Variants in DCT observed in about 807,000 individuals in gnomAD.
DCT encodes L-dopachrome tautomerase.
Under a neutral mutation model 53.0 loss-of-function variants are expected in DCT, and 47 were observed. The ratio of observed to expected loss-of-function variants is 0.89; its 90% CI spans 0.70 to 1.13. DCT has a LOEUF of 1.13. DCT is among the 50% of genes most tolerant of loss of function. The pLI is 0.00. For missense variants in DCT, 669 were observed against 637.4 expected (o/e 1.05, Z -0.53); for synonymous variants, 244 against 237.0 (o/e 1.03, Z -0.27).
chr13:94,546,621 A>G, the DCT span, among the ~76,000 whole-genome samples: 1 of 151,946 alleles, frequency 6.6e-6, no homozygotes, highest in Non-Finnish European at 1.5e-5. This position sits in a 1 kb window ranked among gnomAD's most constrained non-coding sequence, Gnocchi z 4.2. Flanking sequence ...CCTCCCCACC[A>G]AGGAATGTCA....
At chr13:94,528,419 C>G in the DCT span, among the ~76,000 whole-genome samples, 1 of 152,210 alleles carries the variant, frequency 6.6e-6, no homozygotes, top group South Asian at 2.1e-4. Context: ...AAAGGGAAGC[C>G]CATCAGACTA....
chr13:94,482,633 A>G (rs1885495509), upstream of DCT, among the ~76,000 whole-genome samples: 1 of 152,250 alleles, frequency 6.6e-6, no homozygotes, highest in Non-Finnish European at 1.5e-5. Flanking sequence ...CATGTGCAAC[A>G]GTATTTGGCA....
the DCT span, among the ~76,000 whole-genome samples, chr13:94,510,266 G>A: frequency 2.0e-5 from 3 of 152,108 alleles, no homozygotes; most frequent in African/African-American, 4.8e-5. Context: ...TGATATAATT[G>A]GACTAGGGTG....
chr13:94,441,156 G>A (rs932726252), intron 7 of DCT, among the ~76,000 whole-genome samples: 28 of 152,192 alleles, frequency 1.8e-4, no homozygotes, highest in Non-Finnish European at 7.3e-5. Context: ...GTCCTGACCT[G>A]TCCTGATGGG....
chr13:94,477,517 T>C (rs139593908), intron 1 of DCT, among the ~76,000 whole-genome samples: 137 of 152,282 alleles, frequency 9.0e-4, no homozygotes, highest in African/African-American at 3.1e-3. Flanking sequence ...GGTCAAAGGT[T>C]GAAAAACTAC....
the DCT span, among the ~76,000 whole-genome samples, chr13:94,486,391 G>A: frequency 7.2e-5 from 11 of 152,174 alleles, no homozygotes; most frequent in African/African-American, 1.9e-4. Flanking sequence ...CCCTAAGCAC[G>A]TCAGAATAGA....
chr13:94,493,912 A>G, the DCT span, among the ~76,000 whole-genome samples: 1 of 152,228 alleles, frequency 6.6e-6, no homozygotes, highest in African/African-American at 2.4e-5. Context: ...TAATGATTGT[A>G]TCAACAGTGG....
At chr13:94,497,890 G>GTGTA in the DCT span, among the ~76,000 whole-genome samples, 1 of 152,228 alleles carries the variant, frequency 6.6e-6, no homozygotes, top group South Asian at 2.1e-4. Flanking sequence ...GTGTGTGTGT[G>GTGTA]TGTACACACA....
chr13:94,528,104 C>T, the DCT span, among the ~76,000 whole-genome samples: 131 of 152,140 alleles, frequency 8.6e-4, no homozygotes, highest in Non-Finnish European at 1.7e-3. Context: ...GAGTGAAAAG[C>T]AATGAACAAA....
intron 7 of DCT, among the ~76,000 whole-genome samples, chr13:94,441,665 T>C (rs764746599): frequency 1.3e-5 from 2 of 152,240 alleles, no homozygotes; most frequent in South Asian, 4.1e-4. Flanking sequence ...TGTTGTGGCA[T>C]GTATCAGAAT....
chr13:94,469,007 C>A lies in DCT; in HGVS notation c.334G>T (p.Gly112Cys), dbSNP rs144460082. 4.7e-4 allele frequency: 761 copies of A among 1,614,090 alleles called. No individual in the cohort carries two copies. Among genetic ancestry groups the A allele is most frequent in the Non-Finnish European group, 5.3e-4 (629 of 1,179,996 alleles). The change falls in exon 2 of 8, where the codon GGC becomes TGC. Residue 112 changes from glycine (G) to cysteine (C), a missense_variant. Physicochemically the swap from Gly to Cys is radical, Grantham distance 159. Coordinates refer to ENST00000377028, the MANE Select transcript of DCT (RefSeq NM_001922.5). Reference sequence around the variant, plus strand: ...CGCTCGCAGTTGGGACCGGTCCAGCCAAACTTGCAGTCTCCACAATTATAG... The same window carrying A: ...CGCTCGCAGTTGGGACCGGTCCAGCAAAACTTGCAGTCTCCACAATTATAG... ...AGYNCGDCKF[G>C]WTGPNCERKK...
the DCT span, among the ~76,000 whole-genome samples, chr13:94,497,094 G>C: frequency 3.3e-5 from 5 of 152,212 alleles, no homozygotes. Context: ...TATTTCTGCG[G>C]GGTATTTTCT....
intron 1 of DCT, among the ~76,000 whole-genome samples, chr13:94,470,749 G>T (rs1185566306): frequency 1.3e-5 from 2 of 152,034 alleles, no homozygotes; most frequent in East Asian, 1.9e-4. Context: ...CTTCACGTTT[G>T]TGCTCTCTAA....
At chr13:94,507,294 G>A in the DCT span, among the ~76,000 whole-genome samples, 19 of 152,130 alleles carry the variant, frequency 1.2e-4, no homozygotes, top group African/African-American at 3.6e-4. Flanking sequence ...AGAAAGTCTC[G>A]CTACTCTTTT....
intron 2 of DCT, 55 bp from the exon 3 acceptor site, chr13:94,466,713 T>A: frequency 8.2e-7 from 1 of 1,223,900 alleles, no homozygotes; most frequent in Non-Finnish European, 1.2e-6. Flanking sequence ...TTTAAAATGT[T>A]AAATCTTACC....
intron 7 of DCT, among the ~76,000 whole-genome samples, chr13:94,442,076 G>C (rs1882365579): frequency 6.6e-6 from 1 of 151,902 alleles, no homozygotes; most frequent in African/African-American, 2.4e-5. Flanking sequence ...TGGGGTTTCT[G>C]CCTGGCATCT....
At position 94,445,446 on chromosome 13, in the gene DCT, G is replaced by A. The variant is rs1206811270; in HGVS notation, c.1180-1809C>T. ...ACTCATATAGAGTGACCATGATGGC[G>A]AGGCTCAAGATTTCAGGAAGAAAAA... On this transcript the variant is annotated intron_variant, in intron 6 of 7. Coordinates refer to ENST00000377028, the MANE Select transcript of DCT (RefSeq NM_001922.5). Among the ~76,000 whole-genome samples, 5 of 152,266 alleles carry A rather than the reference G, an allele frequency of 3.3e-5. No individual in the cohort carries two copies. In the East Asian group the frequency reaches 5.8e-4, roughly 18 times the overall value.
At chr13:94,474,702 C>T (rs11619243) in intron 1 of DCT, among the ~76,000 whole-genome samples, 35,312 of 152,124 alleles carry the variant, frequency 0.23, 4,450 homozygotes, top group Non-Finnish European at 0.28. Flanking sequence ...TGCAATTCAG[C>T]TCTTCCTGAC....
the DCT span, among the ~76,000 whole-genome samples, chr13:94,499,610 C>T: frequency 1.3e-5 from 2 of 152,122 alleles, no homozygotes; most frequent in Non-Finnish European, 2.9e-5. Flanking sequence ...TACAAAACAC[C>T]TCTAGTTCTT....
Sources: gnomAD v4.1 joint callset for allele counts (sites outside exome capture counted in the v4.1 genomes callset) on GRCh38, gnomAD v4.1.1 for gene constraint, Gnocchi (gnomAD v3.1) non-coding constraint, MANE v1.5 for transcripts, NCBI Gene and HGNC (gene_info 2026-07-23, HGNC 2026-07-21) for gene names.